ESRRG: variants seen among roughly 807,000 people sequenced by gnomAD.
The protein encoded by ESRRG is estrogen-related receptor gamma.
ESRRG carries 13 observed loss-of-function variants against 44.0 expected under a neutral mutation model. That is an observed-to-expected ratio of 0.30 (90% confidence interval 0.19 to 0.47). The LOEUF is 0.47. Among genes scored for constraint, ESRRG ranks in the 20% least tolerant of loss-of-function variants. The probability of loss-of-function intolerance (pLI) is 1.00; values close to 1 mark genes in which losing one functional copy is unlikely to be tolerated. For missense variants in ESRRG, 395 were observed against 580.6 expected (o/e 0.68, Z 3.29); for synonymous variants, 215 against 214.6 (o/e 1.00, Z -0.02).
At chr1:216,829,595 C>T (rs1053698315) in intron 2 of ESRRG, among the ~76,000 whole-genome samples, 2 of 151,024 alleles carry the variant, frequency 1.3e-5, no homozygotes, top group African/African-American at 2.4e-5. Flanking sequence ...CACTCTGTTG[C>T]CCAGGCTGGA....
chr1:216,612,382 T>C (rs901357345), intron 3 of ESRRG, among the ~76,000 whole-genome samples: 3 of 151,970 alleles, frequency 2.0e-5, no homozygotes, highest in Non-Finnish European at 2.9e-5. Flanking sequence ...GGGGCGGGAA[T>C]AGAACTGTTT....
intron 1 of ESRRG, among the ~76,000 whole-genome samples, chr1:216,995,816 C>G (rs2076301979): frequency 6.6e-6 from 1 of 152,148 alleles, no homozygotes; most frequent in African/African-American, 2.4e-5. Flanking sequence ...CCTCTATCTC[C>G]TGACTACATT....
chr1:216,786,332 A>G (rs1283931661), intron 2 of ESRRG, among the ~76,000 whole-genome samples: 1 of 152,146 alleles, frequency 6.6e-6, no homozygotes, highest in African/African-American at 2.4e-5. Context: ...AATATAATGG[A>G]ATATGATCTC....
At chr1:216,551,059 C>A (rs1018137821) in intron 5 of ESRRG, among the ~76,000 whole-genome samples, 1 of 152,130 alleles carries the variant, frequency 6.6e-6, no homozygotes, top group Non-Finnish European at 1.5e-5. Context: ...TTCTTCAAGA[C>A]TCTTGACTAT....
intron 2 of ESRRG, among the ~76,000 whole-genome samples, chr1:216,757,606 T>A (rs1443217907): frequency 6.6e-6 from 1 of 152,126 alleles, no homozygotes; most frequent in Non-Finnish European, 1.5e-5. Flanking sequence ...AACTGTGTTG[T>A]TTTCAACCAA....
At chr1:217,025,458 A>G (rs564231637) in intron 1 of ESRRG, among the ~76,000 whole-genome samples, 1 of 152,208 alleles carries the variant, frequency 6.6e-6, no homozygotes, top group Non-Finnish European at 1.5e-5. Context: ...TCTAACTTCT[A>G]GGGTAAATCA....
chr1:216,686,439 C>CAAAA (rs58718125), intron 1 of ESRRG, among the ~76,000 whole-genome samples: 167 of 107,106 alleles, frequency 1.6e-3, no homozygotes, highest in East Asian at 2.5e-3. Flanking sequence ...TATTGTTAAC[C>CAAAA]AAAAAAAAAA....
rs1027684937 is a variant in ESRRG, at chr1:216,507,192, T to C, written c.1133-9A>G. The C allele has an allele frequency of 7.0e-6, 11 of 1,577,268 alleles. No individual in the cohort carries two copies. Among genetic ancestry groups the C allele is most frequent in the Non-Finnish European group, 9.5e-6 (11 of 1,159,558 alleles). ...TTCTATGTGCATGGAGTCTGTGCAA[T>C]GAAGCAAAAGATATGAGTAATTATA... On this transcript the variant is annotated splice_polypyrimidine_tract_variant and intron_variant, in intron 6 of 6. Coordinates refer to ENST00000408911, the MANE Select transcript of ESRRG (RefSeq NM_001438.4).
At chr1:217,088,503 G>A (rs1387775950) in intron 1 of ESRRG, among the ~76,000 whole-genome samples, 1 of 137,760 alleles carries the variant, frequency 7.3e-6, no homozygotes, top group Non-Finnish European at 1.5e-5. Context: ...TTCTGTGTGT[G>A]TCTGTGTCTT....
chr1:217,052,194 A>G (rs1332984094), intron 1 of ESRRG, among the ~76,000 whole-genome samples: 1 of 152,234 alleles, frequency 6.6e-6, no homozygotes, highest in East Asian at 1.9e-4. Context: ...CATACTAAGA[A>G]TGCAAAATGG....
chr1:217,036,665 G>T (rs1252468980), intron 1 of ESRRG, among the ~76,000 whole-genome samples: 1 of 152,134 alleles, frequency 6.6e-6, no homozygotes, highest in Non-Finnish European at 1.5e-5. Context: ...GCCTATTGGA[G>T]GGTGGAGGTT....
intron 2 of ESRRG, among the ~76,000 whole-genome samples, chr1:216,795,521 A>C (rs2094449137): frequency 1.3e-5 from 2 of 151,442 alleles, no homozygotes; most frequent in East Asian, 3.9e-4. Context: ...TTGTATTTTT[A>C]GTAGAGACAT....
chr1:216,540,836 A>G (rs187464728), intron 5 of ESRRG, among the ~76,000 whole-genome samples: 1 of 152,110 alleles, frequency 6.6e-6, no homozygotes, highest in Admixed American at 6.6e-5. Flanking sequence ...GTTGTGCTTG[A>G]TTAGTATTTT....
intron 1 of ESRRG, among the ~76,000 whole-genome samples, chr1:217,100,863 C>A (rs768011242): frequency 6.6e-6 from 1 of 152,204 alleles, no homozygotes; most frequent in South Asian, 2.1e-4. Context: ...ATGATCCAAA[C>A]ACCTCCCACC....
chr1:217,085,952 C>T (rs141945626), intron 1 of ESRRG, among the ~76,000 whole-genome samples: 1 of 152,110 alleles, frequency 6.6e-6, no homozygotes, highest in African/African-American at 2.4e-5. Context: ...ATTGCAAAGC[C>T]GTATGATTTC....
At chr1:216,570,051 C>T (rs566054972) in intron 3 of ESRRG, among the ~76,000 whole-genome samples, 1 of 152,188 alleles carries the variant, frequency 6.6e-6, no homozygotes, top group East Asian at 1.9e-4. Context: ...ATATATTACT[C>T]AAATGTTAAA....
chr1:216,983,464 T>C (rs1344630556), intron 1 of ESRRG, among the ~76,000 whole-genome samples: 2 of 152,076 alleles, frequency 1.3e-5, no homozygotes, highest in South Asian at 4.1e-4. Flanking sequence ...ACTCCTGGGC[T>C]CAAGCGATCC....
intron 5 of ESRRG, among the ~76,000 whole-genome samples, chr1:216,557,173 T>C (rs778046025): frequency 1.2e-4 from 18 of 152,280 alleles, no homozygotes; most frequent in Non-Finnish European, 2.5e-4. Context: ...ATGTTTAAAA[T>C]ACACTCTTGT....
intron 2 of ESRRG, among the ~76,000 whole-genome samples, chr1:216,754,224 C>G (rs1478972575): frequency 1.3e-5 from 2 of 152,032 alleles, no homozygotes; most frequent in Non-Finnish European, 2.9e-5. Context: ...TTGACCCAGC[C>G]TATACATTTC....
Sources: allele counts gnomAD v4.1 joint callset (sites outside exome capture counted in the v4.1 genomes callset), GRCh38; gene constraint gnomAD v4.1.1; transcripts MANE v1.5; gene names NCBI Gene and HGNC (gene_info 2026-07-23, HGNC 2026-07-21).